CCDC3: variants seen among roughly 807,000 people sequenced by gnomAD.
CCDC3 encodes coiled-coil domain-containing protein 3.
In CCDC3, 24 loss-of-function variants were observed where a neutral mutation model predicts 21.4. The ratio of observed to expected loss-of-function variants is 1.12; its 90% CI spans 0.81 to 1.58. The LOEUF is 1.58. Ranked by LOEUF, CCDC3 falls within the 40% of genes most tolerant of loss-of-function variation. The probability of loss-of-function intolerance (pLI) is 0.00; values close to 1 mark genes in which losing one functional copy is unlikely to be tolerated. For synonymous variants in CCDC3, 186 were observed against 166.0 expected, an observed-to-expected ratio of 1.12 and a Z score of -0.93; for missense variants, 425 against 360.9, an observed-to-expected ratio of 1.18 and a Z score of -1.44.
chr10:12,927,098 T>C (rs138854943), intron 2 of CCDC3, among the ~76,000 whole-genome samples: 39 of 152,228 alleles, frequency 2.6e-4, no homozygotes, highest in African/African-American at 8.9e-4. Context: ...CTGTTTTCCA[T>C]CTCCCCTGCC....
chr10:12,943,233 G>T (rs1834861543), intron 2 of CCDC3, among the ~76,000 whole-genome samples: 10 of 152,090 alleles, frequency 6.6e-5, no homozygotes, highest in Admixed American at 6.6e-4. Context: ...AAAATAGAGT[G>T]GTCAGCATTA....
At chr10:13,028,111 G>A (rs769830858) in intron 5 of CCDC3, among the ~76,000 whole-genome samples, 3 of 152,144 alleles carry the variant, frequency 2.0e-5, no homozygotes, top group African/African-American at 4.8e-5. Flanking sequence ...CCCAAATCTC[G>A]TCTTGAATTA....
At chr10:13,080,908 A>C (rs1837031353) in intron 3 of CCDC3, among the ~76,000 whole-genome samples, 8 of 152,230 alleles carry the variant, frequency 5.3e-5, no homozygotes, top group Admixed American at 5.2e-4. Context: ...AAGGCCCCTC[A>C]TCCCCAAGGC....
intron 2 of CCDC3, among the ~76,000 whole-genome samples, chr10:12,916,101 C>G (rs995234867): frequency 2.6e-5 from 4 of 151,780 alleles, no homozygotes; most frequent in African/African-American, 9.7e-5. Flanking sequence ...AATGCAGGGG[C>G]TGCCCTGGCA....
At chr10:13,090,978 C>A (rs1355290838) in intron 3 of CCDC3, among the ~76,000 whole-genome samples, 1 of 152,184 alleles carries the variant, frequency 6.6e-6, no homozygotes, top group African/African-American at 2.4e-5. Context: ...CCCAGCAAAC[C>A]ACTGCAGTAA....
At chr10:12,902,558 G>A (rs963208805) in intron 2 of CCDC3, among the ~76,000 whole-genome samples, 2 of 152,210 alleles carry the variant, frequency 1.3e-5, no homozygotes, top group African/African-American at 4.8e-5. Flanking sequence ...GAGGATTGGG[G>A]TTTTGGAAGA....
intron 2 of CCDC3, among the ~76,000 whole-genome samples, chr10:12,918,646 T>C (rs564011947): frequency 2.0e-5 from 3 of 152,286 alleles, no homozygotes; most frequent in African/African-American, 7.2e-5. Context: ...TTAAGACCCA[T>C]GTGTAGGAGA....
At chr10:13,023,905 T>C (rs557104465) in intron 5 of CCDC3, among the ~76,000 whole-genome samples, 2 of 152,106 alleles carry the variant, frequency 1.3e-5, no homozygotes, top group Admixed American at 6.5e-5. Context: ...AAGGCAAGCA[T>C]AGGAAACCTG....
chr10:13,048,099 T>C (rs1836552009), intron 5 of CCDC3, among the ~76,000 whole-genome samples: 1 of 152,250 alleles, frequency 6.6e-6, no homozygotes, highest in Admixed American at 6.5e-5. Flanking sequence ...TTTTGTATTT[T>C]ATCCATAGCT....
Position 12,898,364 on chromosome 10 carries a change from T to C in CCDC3, c.*52A>G. The C allele has an allele frequency of 6.6e-7, 1 of 1,516,404 alleles. No individual in the cohort carries two copies. Among genetic ancestry groups the C allele is most frequent in the Admixed American group, 2.2e-5 (1 of 45,412 alleles). The allele number at this position is 1,516,404 out of a possible 1,614,324, so 93.9% of individuals were successfully genotyped here. On this transcript the variant is annotated 3_prime_UTR_variant, in exon 3 of 3. Coordinates refer to ENST00000378825, the MANE Select transcript of CCDC3 (RefSeq NM_031455.4). Reference sequence around the variant, plus strand: ...AGCTGCATGTACGAAACCTCACTCATTCTCAATTACCGTCAGGATTGGCCC... The same window carrying C: ...AGCTGCATGTACGAAACCTCACTCACTCTCAATTACCGTCAGGATTGGCCC...
At chr10:13,041,974 C>T (rs1455826126) in intron 5 of CCDC3, among the ~76,000 whole-genome samples, 2 of 152,214 alleles carry the variant, frequency 1.3e-5, no homozygotes, top group African/African-American at 4.8e-5. Context: ...CAGGGACACC[C>T]ACTCACCACC....
intron 5 of CCDC3, among the ~76,000 whole-genome samples, chr10:13,014,681 G>A (rs1412539801): frequency 2.6e-5 from 4 of 151,990 alleles, no homozygotes; most frequent in Non-Finnish European, 5.9e-5. Context: ...ATTTGCAGAT[G>A]ATGAGTATCC....
chr10:12,909,941 G>A (rs976922302), intron 2 of CCDC3, among the ~76,000 whole-genome samples: 1 of 152,236 alleles, frequency 6.6e-6, no homozygotes, highest in African/African-American at 2.4e-5. Context: ...GCTGGGGTGT[G>A]TGCCTGTATC....
chr10:13,054,814 C>T (rs907358816), intron 4 of CCDC3, among the ~76,000 whole-genome samples: 2 of 152,092 alleles, frequency 1.3e-5, no homozygotes, highest in Admixed American at 6.6e-5. Context: ...TTACAGGTAA[C>T]CCTCACTACG....
chr10:13,031,303 C>G (rs772114753), intron 5 of CCDC3, among the ~76,000 whole-genome samples: 1 of 152,124 alleles, frequency 6.6e-6, no homozygotes, highest in Non-Finnish European at 1.5e-5. Flanking sequence ...CCAACGAGAA[C>G]ATAGACACAA....
At chr10:13,015,404 G>A (rs1589040723) in intron 5 of CCDC3, among the ~76,000 whole-genome samples, 1 of 151,974 alleles carries the variant, frequency 6.6e-6, no homozygotes, top group East Asian at 1.9e-4. Flanking sequence ...ATTCATCCCC[G>A]CTCTTGCCAT....
intron 3 of CCDC3, among the ~76,000 whole-genome samples, chr10:13,079,271 C>G (rs114512760): frequency 0.26 from 3,147 of 12,012 alleles, 101 homozygotes; most frequent in Middle Eastern, 0.33. Context: ...TGAGGAGGCA[C>G]GCGTTGTGGC....
intron 2 of CCDC3, among the ~76,000 whole-genome samples, chr10:12,967,937 G>A (rs1039075342): frequency 1.3e-5 from 2 of 152,138 alleles, no homozygotes; most frequent in African/African-American, 2.4e-5. Flanking sequence ...TTGGGAGGCC[G>A]AGGCGGGCAG....
At chr10:12,915,765 G>T (rs372804981) in intron 2 of CCDC3, among the ~76,000 whole-genome samples, 1 of 152,214 alleles carries the variant, frequency 6.6e-6, no homozygotes, top group Non-Finnish European at 1.5e-5. Context: ...GTGGAAGCCA[G>T]CCTGAAGCCT....
Sources: gnomAD v4.1 joint callset for allele counts (sites outside exome capture counted in the v4.1 genomes callset) on GRCh38, gnomAD v4.1.1 for gene constraint, MANE v1.5 for transcripts, NCBI Gene and HGNC (gene_info 2026-07-23, HGNC 2026-07-21) for gene names.